SCARF1: variants seen among roughly 807,000 people sequenced by gnomAD.
SCARF1 encodes the protein scavenger receptor class F member 1, also known as acetyl LDL receptor.
In SCARF1, 49 loss-of-function variants were observed where a neutral mutation model predicts 76.3. The observed-to-expected ratio is 0.64, with a 90% confidence interval of 0.51 to 0.81. SCARF1 has a LOEUF of 0.81. SCARF1 is among the 40% of genes least tolerant of loss of function. The pLI is 0.00. For missense variants in SCARF1, 1,098 were observed against 1,143.9 expected (o/e 0.96, Z 0.58); for synonymous variants, 495 against 474.6 (o/e 1.04, Z -0.56).
chr17:1,639,042 G>A (rs977085360), intron 7 of SCARF1, 116 bp from the exon 8 acceptor site: 11 of 1,130,336 alleles, frequency 9.7e-6, no homozygotes, highest in African/African-American at 9.4e-5. Context: ...CCCTGCCTCC[G>A]GGCAGCCCCT....
At chr17:1,635,785 C>CT (rs1555547214) in intron 10 of SCARF1, among the ~76,000 whole-genome samples, 168 bp from the exon 11 acceptor site, 1 of 146,914 alleles carries the variant, frequency 6.8e-6, no homozygotes, top group African/African-American at 2.5e-5. Context: ...TACTTCTACA[C>CT]TTTTTTTTTT....
rs1909980112 is a variant in SCARF1, at chr17:1,640,692, A to T, written c.792-26T>A. The stretch of plus-strand genomic sequence containing the variant: ...CTGGGAAGAGAAGGGCTTCGTGGGA[A>T]CAGTGGGGGTGGATGGATGGAGCGC... On this transcript the variant is annotated intron_variant, in intron 4 of 10. Transcript: ENST00000263071. This position sits in a 1 kb window ranked among gnomAD's most constrained non-coding sequence, Gnocchi z 4.7. 2.5e-6 allele frequency: 4 copies of T among 1,597,730 alleles called. No individual in the cohort carries two copies. In the East Asian group the frequency reaches 6.8e-5, roughly 27 times the overall value.
Position 1,634,636 on chromosome 17 carries a change from C to G in SCARF1, c.*122G>C. ...GGGCCTGGGCCAACTGGCCTGGAAG[C>G]CTTGCCTTTTCCCTGTGGAGGCGCA... On this transcript the variant is annotated 3_prime_UTR_variant, in exon 11 of 11. Coordinates refer to ENST00000263071, the MANE Select transcript of SCARF1 (RefSeq NM_003693.4). 1 of 1,393,624 alleles carries G rather than the reference C, an allele frequency of 7.2e-7. No homozygotes were observed. The highest frequency in any genetic ancestry group is 9.6e-7 in the Non-Finnish European group (1 of 1,040,456). 86.3% of individuals were successfully genotyped at this position (1,393,624 alleles called of 1,614,324 possible).
At position 1,634,480 on chromosome 17, in the gene SCARF1, A is replaced by G. The variant is rs1909347977; in HGVS notation, c.*278T>C. The G allele has an allele frequency of 2.5e-6, 1 of 399,578 alleles. No homozygotes were observed. The highest frequency in any genetic ancestry group is 4.4e-5 in the Admixed American group (1 of 22,778). The allele number at this position is 399,578 out of a possible 1,614,324, so 24.8% of individuals were successfully genotyped here. A position where few individuals can be genotyped will look rare whatever the true frequency, so the allele number is the denominator to read the frequency against. On this transcript the variant is annotated 3_prime_UTR_variant, in exon 11 of 11. Coordinates refer to ENST00000263071, the MANE Select transcript of SCARF1 (RefSeq NM_003693.4). ...CAGAAAAATGTTTTGCACGTGAAAG[A>G]AAGAATAGCCCTTATGAGGCACACA...
At position 1,645,047 on chromosome 17, in the gene SCARF1, G is replaced by A; in HGVS notation, c.164-112C>T. ...CCTCAAGAGGTGCCCCTTCAGGCCT[G>A]GGGGTGCGTCACAGGAGAAACCCTG... On this transcript the variant is annotated intron_variant, in intron 2 of 10. Transcript: ENST00000263071. The surrounding 1 kb of genome is among the most constrained non-coding windows in gnomAD (Gnocchi z 6.3). 1 of 1,520,634 alleles carries A rather than the reference G, an allele frequency of 6.6e-7. No individual in the cohort carries two copies. Among genetic ancestry groups the A allele is most frequent in the Non-Finnish European group, 9.0e-7 (1 of 1,110,350 alleles). 94.2% of individuals were successfully genotyped at this position (1,520,634 alleles called of 1,614,324 possible).
rs567581643 is a variant in SCARF1, at chr17:1,640,843, G to C, written c.792-177C>G. 6.6e-6 allele frequency among the ~76,000 whole-genome samples: 1 copy of C among 152,134 alleles called. No individual in the cohort carries two copies. The highest frequency in any genetic ancestry group is 2.4e-5 in the African/African-American group (1 of 41,418). ...CGTTGTACAATGAGGACAAATGAGG[G>C]CTCTTACAGGATCCCATCCCTTTCC... is the stretch of plus-strand genomic sequence containing the variant. On this transcript the variant is annotated intron_variant, in intron 4 of 10. Transcript: ENST00000263071. This position sits in a 1 kb window ranked among gnomAD's most constrained non-coding sequence, Gnocchi z 4.7.
Position 1,644,096 on chromosome 17 carries a change from C to T in SCARF1, c.266-129G>A. 1 of 701,588 alleles carries T rather than the reference C, an allele frequency of 1.4e-6. No homozygotes were observed. The highest frequency in any genetic ancestry group is 2.0e-6 in the Non-Finnish European group (1 of 499,948). The allele number at this position is 701,588 out of a possible 1,614,324, so 43.5% of individuals were successfully genotyped here. On this transcript the variant is annotated intron_variant, in intron 3 of 10. Coordinates refer to ENST00000263071, the MANE Select transcript of SCARF1 (RefSeq NM_003693.4). This position sits in a 1 kb window ranked among gnomAD's most constrained non-coding sequence, Gnocchi z 4.8. ...AAGAGCCGGGGACAGACCCTCAGAA[C>T]ATCCGGCAGCCTGTCCTGGGCAACA... is the stretch of plus-strand genomic sequence containing the variant.
In SCARF1 at chr17:1,640,195, G is replaced by A; in HGVS notation, c.1011-155C>T. On this transcript the variant is annotated intron_variant, in intron 5 of 10. Coordinates refer to ENST00000263071, the MANE Select transcript of SCARF1 (RefSeq NM_003693.4). This position sits in a 1 kb window ranked among gnomAD's most constrained non-coding sequence, Gnocchi z 4.7. ...GGTGCAAATAGGGCCTTGAACTTGG[G>A]GCCAAATCCAGCAGGTGACAGACTA... 2.2e-6 allele frequency: 2 copies of A among 919,126 alleles called. No homozygotes were observed. Among genetic ancestry groups the A allele is most frequent in the Non-Finnish European group, 3.2e-6 (2 of 622,816 alleles). The allele number at this position is 919,126 out of a possible 1,614,324, so 56.9% of individuals were successfully genotyped here.
intron 10 of SCARF1, among the ~76,000 whole-genome samples, chr17:1,636,228 A>G (rs1909546250): frequency 6.6e-6 from 1 of 152,178 alleles, no homozygotes; most frequent in Non-Finnish European, 1.5e-5. Context: ...GTGTCCTGTC[A>G]TTGTCTGATG....
chr17:1,641,045 C>G (rs1567664880), intron 4 of SCARF1, among the ~76,000 whole-genome samples: 1 of 152,176 alleles, frequency 6.6e-6, no homozygotes, highest in South Asian at 2.1e-4. Flanking sequence ...GTCCCCAGGT[C>G]TGGCATGAAT....
Position 1,643,678 on chromosome 17 carries a change from C to T in SCARF1, c.555G>A (p.Trp185Ter). The T allele has an allele frequency of 6.8e-7, 1 of 1,464,132 alleles. No homozygotes were observed. The highest frequency in any genetic ancestry group is 9.0e-7 in the Non-Finnish European group (1 of 1,115,118). The allele number at this position is 1,464,132 out of a possible 1,614,324, so 90.7% of individuals were successfully genotyped here. A position where few individuals can be genotyped will look rare whatever the true frequency, so the allele number is the denominator to read the frequency against. Residue 185 changes from tryptophan to a stop codon, truncating the protein, a stop_gained, in exon 4 of 11, where the codon TGG becomes TGA. Coordinates refer to ENST00000263071, the MANE Select transcript of SCARF1 (RefSeq NM_003693.4). LOFTEE classifies it high-confidence loss of function. ...AGCGGAAGCTGCAGCGGCGCCCCCACCAGCCCGGCTTGCACACGCAGGCGC... is the reference window on the plus strand; with the variant it reads ...AGCGGAAGCTGCAGCGGCGCCCCCATCAGCCCGGCTTGCACACGCAGGCGC... ...ATGACVCKPG[W>*]WGRRCSFRCN...
Position 1,635,385 on chromosome 17 carries a change from C to A in SCARF1, c.1866G>T (p.Gly622=). Residue 622 remains glycine (G), a synonymous_variant, in exon 11 of 11, where the codon GGG becomes GGT. Coordinates refer to ENST00000263071, the MANE Select transcript of SCARF1 (RefSeq NM_003693.4). ...CCCGGCCCTCAGGACCCGACTGCGC[C>A]CCCCGGGAGAGCCTCTTGGGCTTTC... is the stretch of plus-strand genomic sequence containing the variant. ...PLRKPKRLSR[G]AQSGPEGREA... 1 of 1,613,514 alleles carries A rather than the reference C, an allele frequency of 6.2e-7. No homozygotes were observed. Among genetic ancestry groups the A allele is most frequent in the African/African-American group, 1.3e-5 (1 of 75,060 alleles).
intron 7 of SCARF1, among the ~76,000 whole-genome samples, 158 bp from the exon 8 acceptor site, chr17:1,639,084 C>T (rs150343632): frequency 1.3e-5 from 2 of 152,372 alleles, no homozygotes; most frequent in African/African-American, 4.8e-5. Flanking sequence ...AGGTTCTTGC[C>T]CCTGAGGCCA....
chr17:1,642,291 G>A (rs907384326), intron 4 of SCARF1, among the ~76,000 whole-genome samples: 4 of 151,100 alleles, frequency 2.6e-5, no homozygotes, highest in Admixed American at 6.6e-5. Flanking sequence ...CCACTAGCTC[G>A]TCATCTAGCA....
rs185843775 is a variant in SCARF1, at chr17:1,634,354, A to C, written c.*404T>G. On this transcript the variant is annotated 3_prime_UTR_variant, in exon 11 of 11. Transcript: ENST00000263071. ...CAGTGAGCCGAGATCGCACCACTGCACTCCAGCCTGGGGGACAGAGGGAGA... is the reference window on the plus strand; with the variant it reads ...CAGTGAGCCGAGATCGCACCACTGCCCTCCAGCCTGGGGGACAGAGGGAGA... 3.1e-4 allele frequency: 105 copies of C among 341,580 alleles called. No homozygotes were observed. Among genetic ancestry groups the C allele is most frequent in the Non-Finnish European group, 1.4e-4 (26 of 191,852 alleles). The allele number at this position is 341,580 out of a possible 1,614,324, so 21.2% of individuals were successfully genotyped here.
rs909729364 is a variant in SCARF1, at chr17:1,644,657, T to C, written c.265+177A>G. ...GTGGGTAAAAACCCGGTGACTCAGG[T>C]CATCTCCCGGGAGTGTGTGTCACTT... On this transcript the variant is annotated intron_variant, in intron 3 of 10. Transcript: ENST00000263071. The surrounding 1 kb of genome is among the most constrained non-coding windows in gnomAD (Gnocchi z 4.8). 1.4e-5 allele frequency: 9 copies of C among 634,312 alleles called. No individual in the cohort carries two copies. The East Asian group carries it at 1.7e-4, about 12-fold the overall frequency. The allele number at this position is 634,312 out of a possible 1,614,324, so 39.3% of individuals were successfully genotyped here. A position where few individuals can be genotyped will look rare whatever the true frequency, so the allele number is the denominator to read the frequency against.
In SCARF1 at chr17:1,645,262, C is replaced by A; in HGVS notation, c.102-23G>T. The stretch of plus-strand genomic sequence containing the variant: ...GGGCTGTGGGGCAAAAAGGGGTCAG[C>A]CGGACATGGTGGGGGGTGCAGCCTG... On this transcript the variant is annotated intron_variant, in intron 1 of 10. Transcript: ENST00000263071. The surrounding 1 kb of genome is among the most constrained non-coding windows in gnomAD (Gnocchi z 6.3). 1 of 1,611,662 alleles carries A rather than the reference C, an allele frequency of 6.2e-7. No homozygotes were observed. Among genetic ancestry groups the A allele is most frequent in the South Asian group, 1.1e-5 (1 of 90,964 alleles).
In SCARF1 at chr17:1,645,472, C is replaced by A; in HGVS notation, c.101+125G>T. ...ACCGCCATCAGCAGTCCCTTCCTTT[C>A]AGCCTAAGCCCCCTTCCTAGTCTCC... On this transcript the variant is annotated intron_variant, in intron 1 of 10. Transcript: ENST00000263071. This position sits in a 1 kb window ranked among gnomAD's most constrained non-coding sequence, Gnocchi z 6.3. 1 of 1,525,382 alleles carries A rather than the reference C, an allele frequency of 6.6e-7. No homozygotes were observed. Among genetic ancestry groups the A allele is most frequent in the South Asian group, 1.2e-5 (1 of 83,772 alleles). 94.5% of individuals were successfully genotyped at this position (1,525,382 alleles called of 1,614,324 possible). A position where few individuals can be genotyped will look rare whatever the true frequency, so the allele number is the denominator to read the frequency against.
In SCARF1 at chr17:1,634,569, C is replaced by T; in HGVS notation, c.*189G>A. On this transcript the variant is annotated 3_prime_UTR_variant, in exon 11 of 11. Transcript: ENST00000263071. The stretch of plus-strand genomic sequence containing the variant: ...CCTTCCTGACCCCATCCTACAGGGT[C>T]TCTGCCCAGGCCTTCCTGGGCCCCT... 1 of 659,558 alleles carries T rather than the reference C, an allele frequency of 1.5e-6. No homozygotes were observed. Among genetic ancestry groups the T allele is most frequent in the South Asian group, 2.9e-5 (1 of 34,800 alleles). 40.9% of individuals were successfully genotyped at this position (659,558 alleles called of 1,614,324 possible). A position where few individuals can be genotyped will look rare whatever the true frequency, so the allele number is the denominator to read the frequency against.
Sources: gnomAD v4.1 joint callset for allele counts (sites outside exome capture counted in the v4.1 genomes callset) on GRCh38, gnomAD v4.1.1 for gene constraint, Gnocchi (gnomAD v3.1) non-coding constraint, MANE v1.5 for transcripts, NCBI Gene and HGNC (gene_info 2026-07-23, HGNC 2026-07-21) for gene names.